Variants in NUP62CL observed in about 807,000 individuals in gnomAD.
NUP62CL encodes the protein nucleoporin-62 C-terminal-like protein.
A neutral mutation model predicts 15.3 loss-of-function variants in NUP62CL; 13 were observed. That is an observed-to-expected ratio of 0.85 (90% CI 0.55 to 1.35). The LOEUF is 1.35. Among genes scored for constraint, NUP62CL ranks in the 40% most tolerant of loss-of-function variants. The probability of loss-of-function intolerance (pLI) is 0.00; values close to 1 mark genes in which losing one functional copy is unlikely to be tolerated. For missense variants in NUP62CL, 123 were observed against 130.6 expected, an observed-to-expected ratio of 0.94 and a Z score of 0.28; for synonymous variants, 54 against 49.2, an observed-to-expected ratio of 1.10 and a Z score of -0.41.
chrX:107,152,864 C>T (rs1474134163), intron 7 of NUP62CL, among the ~76,000 whole-genome samples: 1 of 111,933 alleles, frequency 8.9e-6, no homozygotes, highest in Non-Finnish European at 1.9e-5. Flanking sequence ...AAAATTTGTA[C>T]TTCTAATTTA....
chrX:107,187,944 T>C (rs1026259749), intron 2 of NUP62CL, among the ~76,000 whole-genome samples: 2 of 112,506 alleles, frequency 1.8e-5, no homozygotes, highest in Non-Finnish European at 3.8e-5. Context: ...CCTATGACAA[T>C]TAACGAATTT....
At chrX:107,191,504 T>C (rs1339724134) in intron 2 of NUP62CL, among the ~76,000 whole-genome samples, 1 of 109,945 alleles carries the variant, frequency 9.1e-6, no homozygotes, top group Non-Finnish European at 1.9e-5. Flanking sequence ...GGTCAGGAGT[T>C]TGAGACCAGC....
chrX:107,152,171 G>GAT lies in NUP62CL; in HGVS notation c.530+999_530+1000dup, dbSNP rs777035967. Among the ~76,000 whole-genome samples, 39 of 70,245 alleles carry GAT rather than the reference G, an allele frequency of 5.6e-4. 1 individual carries two copies. Among genetic ancestry groups the GAT allele is most frequent in the Admixed American group, 2.0e-3 (11 of 5,435 alleles). 61.0% of individuals were successfully genotyped at this position (70,245 alleles called of 115,157 possible). On this transcript the variant is annotated intron_variant, in intron 7 of 8. Transcript: ENST00000372466. Reference sequence around the variant, plus strand: ...ATTCAGATATATATATATATATTCAGATATATATATATTCAGATATATATA... The same window carrying GAT: ...ATTCAGATATATATATATATATTCAGATATATATATATATTCAGATATATATA...
intron 4 of NUP62CL, among the ~76,000 whole-genome samples, chrX:107,162,128 G>C (rs1487314733): frequency 9.0e-6 from 1 of 110,671 alleles, no homozygotes; most frequent in Admixed American, 9.7e-5. Context: ...TAACAGAATG[G>C]AGTCAACAGA....
intron 3 of NUP62CL, among the ~76,000 whole-genome samples, chrX:107,170,197 T>A (rs1188210772): frequency 9.2e-6 from 1 of 109,230 alleles, no homozygotes; most frequent in Non-Finnish European, 1.9e-5. Flanking sequence ...AACAGCAAAT[T>A]CTAAGAATGT....
chrX:107,138,250 G>A (rs371347185), intron 8 of NUP62CL, among the ~76,000 whole-genome samples: 2 of 111,249 alleles, frequency 1.8e-5, no homozygotes, highest in East Asian at 5.6e-4. Flanking sequence ...GGGATATGGG[G>A]CTAGGCAAAA....
chrX:107,131,477 G>A (rs540688263), intron 8 of NUP62CL, among the ~76,000 whole-genome samples: 2 of 112,322 alleles, frequency 1.8e-5, no homozygotes, highest in South Asian at 7.4e-4. Flanking sequence ...CTTTATAATG[G>A]ATAGTAAAGG....
intron 8 of NUP62CL, among the ~76,000 whole-genome samples, chrX:107,142,121 T>C (rs1311555640): frequency 1.8e-5 from 2 of 110,511 alleles, no homozygotes; most frequent in Non-Finnish European, 3.8e-5. Context: ...AAAAAAATCC[T>C]ACTCCAAAAA....
At chrX:107,203,246 CTT>C (rs200961978) in intron 1 of NUP62CL, among the ~76,000 whole-genome samples, 8 of 97,366 alleles carry the variant, frequency 8.2e-5, no homozygotes, top group Admixed American at 1.1e-4. Flanking sequence ...TCTCCCTTTA[CTT>C]TTTTTTTTTT....
intron 2 of NUP62CL, among the ~76,000 whole-genome samples, chrX:107,189,138 A>G (rs1229601865): frequency 8.9e-6 from 1 of 112,136 alleles, no homozygotes; most frequent in Non-Finnish European, 1.9e-5. Context: ...AAAAATGGCT[A>G]AAATAAAAAA....
At chrX:107,139,203 G>T in intron 8 of NUP62CL, among the ~76,000 whole-genome samples, 1 of 111,392 alleles carries the variant, frequency 9.0e-6, no homozygotes, top group Non-Finnish European at 1.9e-5. Flanking sequence ...GAAGGTGGAT[G>T]CTGTGATTAA....
At chrX:107,128,340 G>A (rs1193210366) in intron 8 of NUP62CL, among the ~76,000 whole-genome samples, 1 of 111,881 alleles carries the variant, frequency 8.9e-6, no homozygotes, top group Non-Finnish European at 1.9e-5. Flanking sequence ...ATGGAAAGAT[G>A]GTCATGTGCA....
intron 4 of NUP62CL, among the ~76,000 whole-genome samples, chrX:107,163,666 G>T (rs1036131095): frequency 9.0e-6 from 1 of 111,675 alleles, no homozygotes; most frequent in Non-Finnish European, 1.9e-5. Context: ...AGAATGGAAA[G>T]AATGTACCAT....
intron 1 of NUP62CL, among the ~76,000 whole-genome samples, chrX:107,193,530 T>C (rs889397490): frequency 3.6e-5 from 4 of 111,962 alleles, no homozygotes; most frequent in Non-Finnish European, 7.5e-5. Flanking sequence ...AAGATATGCA[T>C]AGATGGCTCA....
chrX:107,190,020 T>G (rs1927202432), intron 2 of NUP62CL, among the ~76,000 whole-genome samples: 1 of 111,304 alleles, frequency 9.0e-6, no homozygotes, highest in African/African-American at 3.3e-5. Context: ...TCCCAAAAGA[T>G]TATATACTAT....
chrX:107,160,968 G>A (rs1398633871), intron 4 of NUP62CL, among the ~76,000 whole-genome samples: 7 of 110,775 alleles, frequency 6.3e-5, no homozygotes, highest in South Asian at 7.8e-4. Flanking sequence ...AAAAGTGGGC[G>A]AGGGACATGA....
chrX:107,192,373 T>C (rs1927264458), intron 2 of NUP62CL, among the ~76,000 whole-genome samples: 3 of 111,783 alleles, frequency 2.7e-5, no homozygotes, highest in African/African-American at 3.3e-5. Context: ...ATAAATAGCA[T>C]AATTCCAAAT....
intron 4 of NUP62CL, among the ~76,000 whole-genome samples, chrX:107,157,928 A>G (rs1271191184): frequency 9.2e-6 from 1 of 108,501 alleles, no homozygotes. Context: ...AAAAGGATGG[A>G]GGAAGATCTA....
chrX:107,127,868 A>G lies in NUP62CL; in HGVS notation c.*43-3536T>C, dbSNP rs145691021. 4.5e-3 allele frequency among the ~76,000 whole-genome samples: 499 copies of G among 112,119 alleles called. 4 individuals are homozygous for G. Among genetic ancestry groups the G allele is most frequent in the African/African-American group, 0.015 (461 of 30,904 alleles). On this transcript the variant is annotated intron_variant, in intron 8 of 8. Coordinates refer to ENST00000372466, the MANE Select transcript of NUP62CL (RefSeq NM_017681.3). ...ACACAAATTATTTATAAACATTTTC[A>G]AAATACTCAACCTCATTAGTAACCA...
Sources: gnomAD v4.1 joint callset for allele counts (sites outside exome capture counted in the v4.1 genomes callset) on GRCh38, gnomAD v4.1.1 for gene constraint, MANE v1.5 for transcripts, NCBI Gene and HGNC (gene_info 2026-07-23, HGNC 2026-07-21) for gene names.